THOC5: variants seen among roughly 807,000 people sequenced by gnomAD.
THOC5 encodes Fms-interacting protein.
A neutral mutation model predicts 92.9 loss-of-function variants in THOC5; 43 were observed. The ratio of observed to expected loss-of-function variants is 0.46; its 90% CI spans 0.36 to 0.60. The LOEUF (loss-of-function observed/expected upper bound fraction) is 0.60, where lower values mean the gene tolerates loss of function less well. Ranked by LOEUF, THOC5 falls within the 20% of genes least tolerant of loss-of-function variation. The probability of loss-of-function intolerance (pLI) is 0.00; values close to 1 mark genes in which losing one functional copy is unlikely to be tolerated. For missense variants in THOC5, 659 were observed against 849.4 expected, an observed-to-expected ratio of 0.78 and a Z score of 2.79; for synonymous variants, 296 against 320.1, an observed-to-expected ratio of 0.92 and a Z score of 0.80.
intron 2 of THOC5, among the ~76,000 whole-genome samples, chr22:29,548,231 T>C (rs1007925188): frequency 1.3e-5 from 2 of 151,996 alleles, no homozygotes; most frequent in Non-Finnish European, 2.9e-5. Context: ...CAGATCTCAA[T>C]CAAAATGGCT....
At chr22:29,552,255 G>T (rs1330500050) in intron 1 of THOC5, among the ~76,000 whole-genome samples, 3 of 151,784 alleles carry the variant, frequency 2.0e-5, no homozygotes, top group Admixed American at 2.0e-4. Context: ...CATCATCTGG[G>T]ATGTGAGGAG....
At position 29,548,972 on chromosome 22, in the gene THOC5, G is replaced by A. The variant is rs527962323; in HGVS notation, c.96+80C>T. ...AGTTGTACCTGGTAGATGCGACCCC[G>A]AGCTGCTGCAAACACACAGCCAGGT... On this transcript the variant is annotated intron_variant, in intron 2 of 19. Coordinates refer to ENST00000490103, the MANE Select transcript of THOC5 (RefSeq NM_003678.5). 5.8e-5 allele frequency: 82 copies of A among 1,415,646 alleles called. No homozygotes were observed. The Middle Eastern group carries it at 3.1e-3, about 54-fold the overall frequency. 87.7% of individuals were successfully genotyped at this position (1,415,646 alleles called of 1,614,324 possible). A position where few individuals can be genotyped will look rare whatever the true frequency, so the allele number is the denominator to read the frequency against.
At chr22:29,551,097 G>A (rs2064132544) in intron 1 of THOC5, among the ~76,000 whole-genome samples, 1 of 152,086 alleles carries the variant, frequency 6.6e-6, no homozygotes, top group African/African-American at 2.4e-5. Flanking sequence ...TTCCATTTCT[G>A]GTGGAGAGAT....
At chr22:29,522,776 G>A (rs1335416987) in intron 12 of THOC5, among the ~76,000 whole-genome samples, 4 of 152,118 alleles carry the variant, frequency 2.6e-5, no homozygotes, top group African/African-American at 9.7e-5. Context: ...GCCGAGGCGG[G>A]CAGATCATGA....
At position 29,543,559 on chromosome 22, in the gene THOC5, C is replaced by T; in HGVS notation, c.241-17G>A. ...TTCTATTGCCTGTGGGCAAAGAAAA[C>T]AGTAAAGCCCACTGACGACAGGGCT... On this transcript the variant is annotated splice_polypyrimidine_tract_variant and intron_variant, in intron 3 of 19. Coordinates refer to ENST00000490103, the MANE Select transcript of THOC5 (RefSeq NM_003678.5). 2 of 1,593,496 alleles carry T rather than the reference C, an allele frequency of 1.3e-6. No individual in the cohort carries two copies. Among genetic ancestry groups the T allele is most frequent in the South Asian group, 1.1e-5 (1 of 90,710 alleles).
rs571141228 is a variant in THOC5 at position 29,548,851 on chromosome 22, G to T, written c.96+201C>A. Among the ~76,000 whole-genome samples the T allele has an allele frequency of 4.6e-5, 7 of 152,226 alleles. No individual in the cohort carries two copies. In the South Asian group the frequency reaches 1.5e-3, roughly 32 times the overall value. On this transcript the variant is annotated intron_variant, in intron 2 of 19. Coordinates refer to ENST00000490103, the MANE Select transcript of THOC5 (RefSeq NM_003678.5). ...TAATCATGTCTAATACAGGCTTGTT[G>T]GTTTTGGAGATGCTGCAGCTAAACC...
At position 29,511,387 on chromosome 22, in the gene THOC5, C is replaced by T. The variant is rs12167052; in HGVS notation, c.1798-91G>A. The T allele has an allele frequency of 3.0e-3, 4,238 of 1,423,806 alleles. 117 individuals are homozygous for T. The Admixed American group carries it at 0.056, about 19-fold the overall frequency. 88.2% of individuals were successfully genotyped at this position (1,423,806 alleles called of 1,614,324 possible). A position where few individuals can be genotyped will look rare whatever the true frequency, so the allele number is the denominator to read the frequency against. ...GCTTCCGTCCCTGGATGGGCCCGAG[C>T]GCTGATGCCTCTGCAGGGGCTGGGC... On this transcript the variant is annotated intron_variant, in intron 18 of 19. Transcript: ENST00000490103.
intron 12 of THOC5, among the ~76,000 whole-genome samples, chr22:29,521,586 T>A (rs1245429295): frequency 6.6e-6 from 1 of 152,162 alleles, no homozygotes; most frequent in Non-Finnish European, 1.5e-5. Context: ...TGGTGCTATG[T>A]CTATCTCACT....
At chr22:29,539,109 CA>C (rs373724250) in intron 6 of THOC5, among the ~76,000 whole-genome samples, 181 of 36,854 alleles carry the variant, frequency 4.9e-3, no homozygotes, top group Middle Eastern at 0.012. Context: ...GACTCCATCT[CA>C]AAAAAAAAAA....
intron 7 of THOC5, chr22:29,534,477 T>C (rs2063715669): frequency 6.6e-6 from 1 of 152,144 alleles, no homozygotes; most frequent in Non-Finnish European, 1.5e-5. Flanking sequence ...AAAAGTTGTA[T>C]TCAAGACCTT....
intron 2 of THOC5, among the ~76,000 whole-genome samples, chr22:29,545,422 G>C (rs1468086658): frequency 1.3e-5 from 2 of 152,068 alleles, no homozygotes; most frequent in African/African-American, 4.8e-5. Flanking sequence ...ACTCATTTCA[G>C]CATTAACCCA....
At chr22:29,517,579 C>A (rs1017932302) in intron 15 of THOC5, among the ~76,000 whole-genome samples, 10 of 152,348 alleles carry the variant, frequency 6.6e-5, no homozygotes, top group African/African-American at 1.9e-4. Context: ...GTGGCCAGAT[C>A]CAGTGCCAGC....
At position 29,539,518 on chromosome 22, in the gene THOC5, A is replaced by T. The variant is rs188344322; in HGVS notation, c.453-42T>A. On this transcript the variant is annotated intron_variant, in intron 5 of 19. Transcript: ENST00000490103. ...GACATCAAGCTGCTGTTCTCAGGAA[A>T]CTAAACTGTAGTTTAAGCAGGCCCA... 38 of 1,595,774 alleles carry T rather than the reference A, an allele frequency of 2.4e-5. No homozygotes were observed. In the African/African-American group the frequency reaches 4.9e-4, roughly 21 times the overall value.
At chr22:29,513,546 G>C (rs2063269820) in intron 17 of THOC5, among the ~76,000 whole-genome samples, 1 of 152,002 alleles carries the variant, frequency 6.6e-6, no homozygotes, top group African/African-American at 2.4e-5. Context: ...AAATTAGCCA[G>C]GCCTAGTGGG....
chr22:29,510,642 G>A (rs1330765189), intron 19 of THOC5, among the ~76,000 whole-genome samples: 1 of 151,872 alleles, frequency 6.6e-6, no homozygotes, highest in Non-Finnish European at 1.5e-5. Context: ...AGCTGGAGGA[G>A]GGCTCAGAGC....
At chr22:29,525,150 C>A (rs1270957675) in intron 12 of THOC5, among the ~76,000 whole-genome samples, 1 of 152,056 alleles carries the variant, frequency 6.6e-6, no homozygotes, top group Non-Finnish European at 1.5e-5. Flanking sequence ...GTGGCATGCA[C>A]CTGTAGTCCT....
At chr22:29,527,599 G>A (rs1347718058) in intron 11 of THOC5, among the ~76,000 whole-genome samples, 1 of 152,170 alleles carries the variant, frequency 6.6e-6, no homozygotes, top group Non-Finnish European at 1.5e-5. Flanking sequence ...TGCCCTTGGA[G>A]GTGAGACCTA....
At position 29,544,648 on chromosome 22, in the gene THOC5, C is replaced by G. The variant is rs558868214; in HGVS notation, c.97-45G>C. 4.4e-5 allele frequency: 66 copies of G among 1,494,202 alleles called. 1 individual carries two copies. In the South Asian group the frequency reaches 8.5e-4, roughly 19 times the overall value. 92.6% of individuals were successfully genotyped at this position (1,494,202 alleles called of 1,614,324 possible). The stretch of plus-strand genomic sequence containing the variant: ...GGCTCTGTGTGCATGGGGTAAAAGT[C>G]TCCCTGCTGGGATCAGGGACACTTG... On this transcript the variant is annotated intron_variant, in intron 2 of 19. Transcript: ENST00000490103.
chr22:29,547,228 A>G (rs1486607696), intron 2 of THOC5, among the ~76,000 whole-genome samples: 1 of 152,182 alleles, frequency 6.6e-6, no homozygotes, highest in African/African-American at 2.4e-5. Context: ...AAGTTCCACA[A>G]ATCTCTAAGG....
Sources: allele counts gnomAD v4.1 joint callset (sites outside exome capture counted in the v4.1 genomes callset), GRCh38; gene constraint gnomAD v4.1.1; transcripts MANE v1.5; gene names NCBI Gene and HGNC (gene_info 2026-07-23, HGNC 2026-07-21).